ECT2: variants seen among roughly 807,000 people sequenced by gnomAD.
ECT2 encodes the protein protein ECT2.
In ECT2, 61 loss-of-function variants were observed where a neutral mutation model predicts 116.9. The observed-to-expected ratio is 0.52, with a 90% CI of 0.42 to 0.65. ECT2 has a LOEUF of 0.65. Among genes scored for constraint, ECT2 ranks in the 30% least tolerant of loss-of-function variants. ECT2 has a pLI of 0.00. For synonymous variants in ECT2, 358 were observed against 346.4 expected (o/e 1.03, Z -0.37); for missense variants, 937 against 1,078.7 (o/e 0.87, Z 1.84).
chr3:172,759,101 T>A, intron 6 of ECT2, 32 bp downstream of exon 6: 1 of 1,445,186 alleles, frequency 6.9e-7, no homozygotes, highest in Non-Finnish European at 9.5e-7. Flanking sequence ...CAAAGCGTAT[T>A]TTTTACAGCA....
At chr3:172,754,119 C>T (rs1205319887) in intron 1 of ECT2, among the ~76,000 whole-genome samples, 1 of 151,906 alleles carries the variant, frequency 6.6e-6, no homozygotes, top group Non-Finnish European at 1.5e-5. Context: ...TAGGATAGAT[C>T]TCAGATTTTT....
At chr3:172,786,367 CTT>C in intron 17 of ECT2, 124 bp from the exon 18 acceptor site, 1 of 624,190 alleles carries the variant, frequency 1.6e-6, no homozygotes, top group Non-Finnish European at 2.7e-6. Context: ...GTGCTTAAAA[CTT>C]TTTAAAAAAT....
Position 172,802,606 on chromosome 3 carries a change from T to G in ECT2, c.1908-10T>G. 1 of 1,512,866 alleles carries G rather than the reference T, an allele frequency of 6.6e-7. No individual in the cohort carries two copies. 93.7% of individuals were successfully genotyped at this position (1,512,866 alleles called of 1,614,324 possible). A position where few individuals can be genotyped will look rare whatever the true frequency, so the allele number is the denominator to read the frequency against. On this transcript the variant is annotated splice_polypyrimidine_tract_variant and intron_variant, in intron 18 of 24. Coordinates refer to ENST00000392692, the MANE Select transcript of ECT2 (RefSeq NM_001258315.2). ...CTATTTTAAAAGTTTTAAAAATAAC[T>G]ATTTTTCAGGCATATTAATGAGGAT...
intron 21 of ECT2, among the ~76,000 whole-genome samples, chr3:172,806,606 T>A (rs1727761268): frequency 6.6e-6 from 1 of 151,264 alleles, no homozygotes; most frequent in Non-Finnish European, 1.5e-5. Context: ...TCTTTTTTTT[T>A]TTTTTTTCCT....
At chr3:172,754,783 T>C in intron 2 of ECT2, 123 bp downstream of exon 2, 1 of 723,858 alleles carries the variant, frequency 1.4e-6, no homozygotes, top group South Asian at 2.5e-5. Flanking sequence ...TAAGTAAATA[T>C]TTGTTTACAG....
At position 172,762,674 on chromosome 3, in the gene ECT2, T is replaced by C. The variant is rs978086847; in HGVS notation, c.890-17T>C. 1.2e-5 allele frequency: 19 copies of C among 1,596,476 alleles called. No homozygotes were observed. Among genetic ancestry groups the C allele is most frequent in the Non-Finnish European group, 1.6e-5 (19 of 1,174,472 alleles). On this transcript the variant is annotated splice_polypyrimidine_tract_variant and intron_variant, in intron 9 of 24. Coordinates refer to ENST00000392692, the MANE Select transcript of ECT2 (RefSeq NM_001258315.2). Reference sequence around the variant, plus strand: ...AAGTAGCTTGGCTTATTTATGCTTATGTGCATTCCTTTTTAGGAGGTAAAT... The same window carrying C: ...AAGTAGCTTGGCTTATTTATGCTTACGTGCATTCCTTTTTAGGAGGTAAAT...
chr3:172,764,508 A>G lies in ECT2; in HGVS notation c.1291+8A>G, dbSNP rs376107523. ...CTAGCATTAACTATGGAGGTAATTC[A>G]CATTCTTAAAAACTTGTCTTTAAAG... On this transcript the variant is annotated splice_region_variant and intron_variant, in intron 12 of 24. Transcript: ENST00000392692. 22 of 1,608,478 alleles carry G rather than the reference A, an allele frequency of 1.4e-5. No individual in the cohort carries two copies. The highest frequency in any genetic ancestry group is 1.8e-5 in the Non-Finnish European group (21 of 1,175,336).
chr3:172,754,943 A>C (rs1183736962), intron 2 of ECT2, among the ~76,000 whole-genome samples: 1 of 152,120 alleles, frequency 6.6e-6, no homozygotes, highest in African/African-American at 2.4e-5. Context: ...GAAGTTATAC[A>C]GTCATGACTG....
chr3:172,819,495 C>T (rs944863546), intron 24 of ECT2, among the ~76,000 whole-genome samples: 5 of 151,908 alleles, frequency 3.3e-5, no homozygotes, highest in African/African-American at 4.8e-5. Context: ...TTATACGGAA[C>T]GAAATTTTAA....
chr3:172,819,506 A>G (rs1180445691), intron 24 of ECT2, among the ~76,000 whole-genome samples: 1 of 152,106 alleles, frequency 6.6e-6, no homozygotes, highest in Admixed American at 6.6e-5. Context: ...GAAATTTTAA[A>G]AATTATTTAA....
chr3:172,827,353 CA>C, the ECT2 span, among the ~76,000 whole-genome samples: 4 of 152,104 alleles, frequency 2.6e-5, no homozygotes, highest in African/African-American at 9.7e-5. Context: ...GCACTATTCA[CA>C]ATAGCCAAGA....
chr3:172,751,032 G>C (rs913268630), intron 1 of ECT2, 175 bp downstream of exon 1: 3 of 152,408 alleles, frequency 2.0e-5, no homozygotes, highest in African/African-American at 7.2e-5. Context: ...CAGCAGCCGG[G>C]CCCTGACGCG....
At chr3:172,808,055 T>A in intron 22 of ECT2, 131 bp downstream of exon 22, 1 of 872,616 alleles carries the variant, frequency 1.1e-6, no homozygotes, top group East Asian at 2.7e-5. Context: ...TTAAAAAAAC[T>A]GATGTAATAA....
downstream of ECT2, chr3:172,821,511 T>C (rs1302814204): frequency 2.0e-5 from 3 of 151,930 alleles, no homozygotes; most frequent in Non-Finnish European, 4.4e-5. Context: ...CAAGGAAATT[T>C]TCATAGGCAA....
Position 172,805,831 on chromosome 3 carries a change from C to A in ECT2, c.2207C>A (p.Ser736Tyr). Residue 736 changes from serine (S) to tyrosine (Y), a missense_variant, in exon 21 of 25, where the codon TCT (serine) becomes TAT (tyrosine). Physicochemically the swap from Ser to Tyr is moderately radical, Grantham distance 144. Coordinates refer to ENST00000392692, the MANE Select transcript of ECT2 (RefSeq NM_001258315.2). ...AAGCATATTCACCTAATGCCTCTTTCTCAGATTAAGAAGGTATTGGACATA... is the reference window on the plus strand; with the variant it reads ...AAGCATATTCACCTAATGCCTCTTTATCAGATTAAGAAGGTATTGGACATA... ...SLKHIHLMPL[S>Y]QIKKVLDIRE... The A allele has an allele frequency of 1.9e-6, 3 of 1,613,686 alleles. No individual in the cohort carries two copies. The highest frequency in any genetic ancestry group is 2.5e-6 in the Non-Finnish European group (3 of 1,179,776).
In ECT2 at chr3:172,821,281, C is replaced by G. The variant is rs567243225; in HGVS notation, c.*1044C>G. ...ATATGGATAAATGCATTTTTATTTCCTATTTCTTTAGGGAGTGCTACAAAT... is the reference window on the plus strand; with the variant it reads ...ATATGGATAAATGCATTTTTATTTCGTATTTCTTTAGGGAGTGCTACAAAT... On this transcript the variant is annotated 3_prime_UTR_variant, in exon 25 of 25. Transcript: ENST00000392692. The G allele has an allele frequency of 6.6e-6, 1 of 151,818 alleles. No individual in the cohort carries two copies. The highest frequency in any genetic ancestry group is 2.1e-4 in the South Asian group (1 of 4,814). 9.4% of individuals were successfully genotyped at this position (151,818 alleles called of 1,614,324 possible).
intron 18 of ECT2, chr3:172,796,517 G>A (rs1300602468): frequency 6.6e-6 from 1 of 151,914 alleles, no homozygotes; most frequent in African/African-American, 2.4e-5. Flanking sequence ...ATCGCTCCTC[G>A]GATAGACCTC....
At chr3:172,765,569 G>T (rs1719210196) in intron 12 of ECT2, among the ~76,000 whole-genome samples, 1 of 151,968 alleles carries the variant, frequency 6.6e-6, no homozygotes, top group Non-Finnish European at 1.5e-5. Flanking sequence ...CTCTTCATCA[G>T]TCTTTTCTGT....
chr3:172,817,424 C>T (rs1014506518), intron 24 of ECT2, among the ~76,000 whole-genome samples: 2 of 151,996 alleles, frequency 1.3e-5, no homozygotes, highest in Admixed American at 6.6e-5. Flanking sequence ...AAAAGAAACG[C>T]GTTTCAATCT....
Sources: allele counts gnomAD v4.1 joint callset (sites outside exome capture counted in the v4.1 genomes callset), GRCh38; gene constraint gnomAD v4.1.1; transcripts MANE v1.5; gene names NCBI Gene and HGNC (gene_info 2026-07-23, HGNC 2026-07-21).